DST: variants seen among roughly 807,000 people sequenced by gnomAD.
DST encodes the protein bullous pemphigoid antigen.
A neutral mutation model predicts 875.2 loss-of-function variants in DST; 253 were observed. The observed-to-expected ratio is 0.29, with a 90% CI of 0.26 to 0.32. The LOEUF is 0.32. Among genes scored for constraint, DST ranks in the 10% least tolerant of loss-of-function variants. The pLI is 1.00. For missense variants in DST, 8,287 were observed against 9,111.6 expected, an observed-to-expected ratio of 0.91 and a Z score of 3.68; for synonymous variants, 3,124 against 3,197.1, an observed-to-expected ratio of 0.98 and a Z score of 0.77.
At chr6:56,801,965 G>A (rs577877569) in intron 4 of DST, among the ~76,000 whole-genome samples, 2 of 152,058 alleles carry the variant, frequency 1.3e-5, no homozygotes, top group Non-Finnish European at 2.9e-5. Context: ...GGCCAGGCTG[G>A]TCTTGAATGC....
At chr6:56,631,752 C>G in intron 29 of DST, 131 bp downstream of exon 29, 2 of 816,660 alleles carry the variant, frequency 2.4e-6, no homozygotes, top group South Asian at 1.5e-5. Flanking sequence ...AATAATTACA[C>G]AATCAGACCT....
intron 3 of DST, among the ~76,000 whole-genome samples, chr6:56,889,437 T>C (rs1423984863): frequency 6.6e-6 from 1 of 152,164 alleles, no homozygotes; most frequent in Non-Finnish European, 1.5e-5. Context: ...AAAAATCCCA[T>C]TGCTTGATGG....
At position 56,703,692 on chromosome 6, in the gene DST, A is replaced by C; in HGVS notation, c.832T>G (p.Cys278Gly). The C allele has an allele frequency of 1.0e-6, 1 of 985,338 alleles. No individual in the cohort carries two copies. The allele number at this position is 985,338 out of a possible 1,614,324, so 61.0% of individuals were successfully genotyped here. Residue 278 changes from cysteine (C) to glycine (G), a missense_variant, in exon 7 of 104, where the codon TGC (cysteine) becomes GGC (glycine). This residue lies in a region of DST where 1,160 missense variants were observed against 1,424.3 expected (regional missense o/e 0.81). Coordinates refer to ENST00000680361, the MANE Select transcript of DST (RefSeq NM_001374736.1). ...ACATCCTCATGCTGTTCATATTCGC[A>C]TGCTTCTGTTGCACTCACCAATCGT... is the stretch of plus-strand genomic sequence containing the variant. ...TLRLVSATEACEYEQHEDVED... is the reference protein window; with the variant it reads ...TLRLVSATEAGEYEQHEDVED...
chr6:56,666,941 T>C (rs955592740), intron 10 of DST, among the ~76,000 whole-genome samples: 3 of 150,822 alleles, frequency 2.0e-5, no homozygotes, highest in Admixed American at 2.0e-4. Flanking sequence ...AGACTACAAA[T>C]ACAACACAGA....
chr6:56,538,434 T>C (rs1454864426), intron 61 of DST, among the ~76,000 whole-genome samples: 1 of 152,134 alleles, frequency 6.6e-6, no homozygotes, highest in Non-Finnish European at 1.5e-5. Context: ...TATATAAATA[T>C]ACCAATGATT....
chr6:56,624,456 T>A (rs775273469), intron 36 of DST, 74 bp downstream of exon 36: 16 of 1,008,592 alleles, frequency 1.6e-5, no homozygotes, highest in South Asian at 8.9e-5. Context: ...TGTTTTGCTT[T>A]CCCAAACTAC....
chr6:56,942,876 C>T (rs908578728), intron 2 of DST, among the ~76,000 whole-genome samples: 11 of 151,850 alleles, frequency 7.2e-5, no homozygotes, highest in Non-Finnish European at 4.4e-5. Flanking sequence ...ATCACCATGC[C>T]CGACAAAATT....
chr6:56,764,093 A>ACACG (rs1230511437), intron 4 of DST, among the ~76,000 whole-genome samples: 22 of 110,496 alleles, frequency 2.0e-4, no homozygotes, highest in African/African-American at 7.4e-4. Flanking sequence ...CCCAAAGTGC[A>ACACG]CATGCACACA....
intron 15 of DST, chr6:56,642,937 A>C: frequency 2.0e-6 from 3 of 1,486,652 alleles, no homozygotes; most frequent in Non-Finnish European, 2.7e-6. Flanking sequence ...CAACATGCAT[A>C]TGCAACACAC....
chr6:56,788,460 A>T lies in DST; in HGVS notation c.626-53171T>A, dbSNP rs190147300. On this transcript the variant is annotated intron_variant, in intron 4 of 103. Coordinates refer to ENST00000680361, the MANE Select transcript of DST (RefSeq NM_001374736.1). The stretch of plus-strand genomic sequence containing the variant: ...GCCTCCCAAAGTGCTTGGATTACAG[A>T]TGTGAGCCATCGCTCCCAGCCTAAG... Among the ~76,000 whole-genome samples, 514 of 152,156 alleles carry T rather than the reference A, an allele frequency of 3.4e-3. 2 individuals carry two copies. Among genetic ancestry groups the T allele is most frequent in the Middle Eastern group, 6.8e-3 (2 of 294 alleles).
At chr6:56,758,732 T>A (rs2099610158) in intron 4 of DST, among the ~76,000 whole-genome samples, 1 of 152,168 alleles carries the variant, frequency 6.6e-6, no homozygotes, top group African/African-American at 2.4e-5. Context: ...CATCTACATG[T>A]GGCCTGACTT....
intron 4 of DST, among the ~76,000 whole-genome samples, chr6:56,758,070 G>C (rs1267268516): frequency 6.6e-6 from 1 of 152,136 alleles, no homozygotes; most frequent in Non-Finnish European, 1.5e-5. Flanking sequence ...TAAAGAACTT[G>C]GTATAATCAA....
intron 24 of DST, 37 bp from the exon 25 acceptor site, chr6:56,634,990 G>C: frequency 6.5e-7 from 1 of 1,537,952 alleles, no homozygotes; most frequent in Non-Finnish European, 9.0e-7. Context: ...AGAAGTAAAA[G>C]ACTTGTACTC....
intron 85 of DST, among the ~76,000 whole-genome samples, chr6:56,490,968 C>G (rs1214284532): frequency 6.6e-6 from 1 of 152,146 alleles, no homozygotes; most frequent in Non-Finnish European, 1.5e-5. Context: ...AGATGAGCAA[C>G]TGGCTACTGA....
chr6:56,597,329 C>G (rs780885627), intron 47 of DST, among the ~76,000 whole-genome samples: 1 of 152,010 alleles, frequency 6.6e-6, no homozygotes, highest in Non-Finnish European at 1.5e-5. Context: ...AATTCCAGCC[C>G]TTTCTAGATA....
chr6:56,463,923 G>A (rs751033214), intron 100 of DST, 159 bp from the exon 101 acceptor site: 1 of 798,638 alleles, frequency 1.3e-6, no homozygotes, highest in Non-Finnish European at 2.2e-6. Flanking sequence ...ATAACAAAAA[G>A]TTAAATGCAT....
At chr6:56,463,827 G>A (rs779570523) in intron 100 of DST, 63 bp from the exon 101 acceptor site, 10 of 1,551,758 alleles carry the variant, frequency 6.4e-6, no homozygotes, top group Admixed American at 1.7e-5. Context: ...GCGCTCAATC[G>A]TTAATGGGAA....
At chr6:56,610,608 A>G in intron 38 of DST, 46 bp from the exon 39 acceptor site, 1 of 1,498,608 alleles carries the variant, frequency 6.7e-7, no homozygotes, top group African/African-American at 1.4e-5. Context: ...GTCGTCCTCA[A>G]GAGATAAAGA....
At position 56,458,717 on chromosome 6, in the gene DST, C is replaced by T. The variant is rs549957580; in HGVS notation, c.*288G>A. 2 of 243,012 alleles carry T rather than the reference C, an allele frequency of 8.2e-6. No homozygotes were observed. Among genetic ancestry groups the T allele is most frequent in the African/African-American group, 2.2e-5 (1 of 44,482 alleles). 15.1% of individuals were successfully genotyped at this position (243,012 alleles called of 1,614,324 possible). A position where few individuals can be genotyped will look rare whatever the true frequency, so the allele number is the denominator to read the frequency against. On this transcript the variant is annotated 3_prime_UTR_variant, in exon 104 of 104. Coordinates refer to ENST00000680361, the MANE Select transcript of DST (RefSeq NM_001374736.1). ...GGCTGTCAGAGAGGATGTAGACTTA[C>T]CTGTAGGTACAGTAACTGAGTTTAG...
Sources: gnomAD v4.1 joint callset for allele counts (sites outside exome capture counted in the v4.1 genomes callset) on GRCh38, gnomAD v4.1.1 for gene constraint, gnomAD v4.1.1 regional missense constraint, MANE v1.5 for transcripts, NCBI Gene and HGNC (gene_info 2026-07-23, HGNC 2026-07-21) for gene names.